IGSF11: variants seen among roughly 807,000 people sequenced by gnomAD.
IGSF11 encodes the protein CXADR like 1.
Under a neutral mutation model 41.0 loss-of-function variants are expected in IGSF11, and 22 were observed. The observed-to-expected ratio is 0.54, with a 90% CI of 0.38 to 0.77. The LOEUF (loss-of-function observed/expected upper bound fraction) is 0.77. IGSF11 is among the 30% of genes least tolerant of loss of function. IGSF11 has a pLI of 0.00. For missense variants in IGSF11, 444 were observed against 530.8 expected (o/e 0.84, Z 1.61); for synonymous variants, 219 against 201.3 (o/e 1.09, Z -0.74).
intron 1 of IGSF11, among the ~76,000 whole-genome samples, chr3:119,032,642 T>C (rs1198590363): frequency 6.6e-6 from 1 of 152,204 alleles, no homozygotes; most frequent in African/African-American, 2.4e-5. Context: ...GTTCCTTTGG[T>C]TAAGAAAGCC....
rs545010186 is a variant in IGSF11 at position 119,050,538 on chromosome 3, A to C, written c.49+54606T>G. 3.2e-3 allele frequency among the ~76,000 whole-genome samples: 485 copies of C among 151,822 alleles called. 2 individuals are homozygous for C. The highest frequency in any genetic ancestry group is 0.011 in the African/African-American group (469 of 41,416). On this transcript the variant is annotated intron_variant, in intron 1 of 6. Coordinates refer to the IGSF11 transcript ENST00000354673. Reference sequence around the variant, plus strand: ...TGTGGAGAAATAGGAACACTTTTACACTGTTAGTGGGACTGTAAAGTAGTT... The same window carrying C: ...TGTGGAGAAATAGGAACACTTTTACCCTGTTAGTGGGACTGTAAAGTAGTT...
In IGSF11 at chr3:119,034,725, G is replaced by A. The variant is rs1940780847; in HGVS notation, c.-143C>T. ...GCCGCTGTTCCCCGCGCAGAGCTGGGACTGTCAGACCCACAGACGAGCCAA... is the reference window on the plus strand; with the variant it reads ...GCCGCTGTTCCCCGCGCAGAGCTGGAACTGTCAGACCCACAGACGAGCCAA... On this transcript the variant is annotated 5_prime_UTR_variant, in exon 1 of 7. Coordinates refer to ENST00000393775, the MANE Select transcript of IGSF11 (RefSeq NM_001015887.3). 7.3e-7 allele frequency: 1 copy of A among 1,363,672 alleles called. No individual in the cohort carries two copies. The highest frequency in any genetic ancestry group is 1.5e-5 in the African/African-American group (1 of 65,838). The allele number at this position is 1,363,672 out of a possible 1,614,324, so 84.5% of individuals were successfully genotyped here.
intron 1 of IGSF11, among the ~76,000 whole-genome samples, chr3:118,970,757 A>AG (rs1933304829): frequency 6.6e-6 from 1 of 152,110 alleles, no homozygotes; most frequent in African/African-American, 2.4e-5. Flanking sequence ...TTACAAAAAA[A>AG]AAAAAAAAAC....
intron 1 of IGSF11, among the ~76,000 whole-genome samples, chr3:118,977,823 G>A (rs1934287203): frequency 1.3e-5 from 2 of 152,076 alleles, no homozygotes; most frequent in African/African-American, 4.8e-5. Flanking sequence ...CCACAAACCC[G>A]AGTCCTAAGC....
intron 1 of IGSF11, among the ~76,000 whole-genome samples, chr3:118,953,716 C>G (rs1944754116): frequency 6.6e-6 from 1 of 151,958 alleles, no homozygotes; most frequent in African/African-American, 2.4e-5. Flanking sequence ...GGCAAATTGT[C>G]CCATGGCCTT....
chr3:118,916,974 C>A (rs1941189912), intron 4 of IGSF11, among the ~76,000 whole-genome samples: 1 of 152,148 alleles, frequency 6.6e-6, no homozygotes, highest in Admixed American at 6.5e-5. Context: ...TGCTCAGCTA[C>A]ATGGAAACTG....
In IGSF11 at chr3:119,140,119, TAATAA is replaced by T. The variant is rs557542518; in HGVS notation, c.-14+5689_-14+5693del. Among the ~76,000 whole-genome samples the T allele has an allele frequency of 1.8e-3, 277 of 151,914 alleles. 1 individual carries two copies. The highest frequency in any genetic ancestry group is 3.3e-3 in the Admixed American group (51 of 15,262). ...CAAAAAATATATGACATATATAAAA[TAATAA>T]AATAAAACATGTATATCCTACTTAT... is the stretch of plus-strand genomic sequence containing the variant. On this transcript the variant is annotated intron_variant, in intron 1 of 7. Transcript: ENST00000425327.
At chr3:118,989,528 T>C (rs1332392198) in intron 1 of IGSF11, among the ~76,000 whole-genome samples, 1 of 152,050 alleles carries the variant, frequency 6.6e-6, no homozygotes, top group African/African-American at 2.4e-5. Context: ...AATTTTTGTA[T>C]TTTTAGTAGA....
chr3:118,926,381 GAC>G (rs1942306492), intron 3 of IGSF11, 125 bp from the exon 4 acceptor site: 3 of 744,146 alleles, frequency 4.0e-6, no homozygotes, highest in Non-Finnish European at 6.0e-6. Flanking sequence ...TATACCAGGA[GAC>G]AGACTCACCG....
intron 1 of IGSF11, among the ~76,000 whole-genome samples, chr3:118,935,958 T>C (rs1195490327): frequency 6.6e-6 from 1 of 152,156 alleles, no homozygotes; most frequent in Non-Finnish European, 1.5e-5. Context: ...GAAGACGAAA[T>C]TAAGTTACTC....
upstream of IGSF11, among the ~76,000 whole-genome samples, chr3:119,036,717 CT>C (rs552860192): frequency 1.8e-4 from 28 of 151,966 alleles, no homozygotes; most frequent in South Asian, 3.5e-3. Context: ...AAAATGACCC[CT>C]GACCCCAAAT....
At chr3:119,086,750 T>C (rs549004022) in intron 1 of IGSF11, among the ~76,000 whole-genome samples, 1 of 152,242 alleles carries the variant, frequency 6.6e-6, no homozygotes, top group African/African-American at 2.4e-5. Context: ...TTACAAGAAG[T>C]CCTTAAGGGA....
rs968176492 is a variant in IGSF11, at chr3:118,950,556, A to G, written c.53-20281T>C. On this transcript the variant is annotated intron_variant, in intron 1 of 6. Coordinates refer to ENST00000393775, the MANE Select transcript of IGSF11 (RefSeq NM_001015887.3). ...CCTAGTGGGTGAAAAAAATACACAC[A>G]CGCAAACATATATATACCCCAACTC... is the stretch of plus-strand genomic sequence containing the variant. 3.3e-5 allele frequency among the ~76,000 whole-genome samples: 5 copies of G among 152,112 alleles called. 1 individual carries two copies. Among genetic ancestry groups the G allele is most frequent in the East Asian group, 1.9e-4 (1 of 5,174 alleles).
intron 4 of IGSF11, among the ~76,000 whole-genome samples, chr3:118,921,986 T>A (rs1001043438): frequency 2.0e-5 from 3 of 151,840 alleles, no homozygotes; most frequent in Admixed American, 2.0e-4. Context: ...AATTATTTGG[T>A]ATTATATGAT....
chr3:119,050,473 G>A (rs369679513), intron 1 of IGSF11, among the ~76,000 whole-genome samples: 2,026 of 151,960 alleles, frequency 0.013, 31 homozygotes, highest in East Asian at 0.079. Context: ...TTAGAATGGC[G>A]ATCATTAAAA....
At position 119,113,584 on chromosome 3, in the gene IGSF11, G is replaced by T. The variant is rs188571730; in HGVS notation, c.-13-8379C>A. Among the ~76,000 whole-genome samples the T allele has an allele frequency of 1.5e-3, 235 of 152,334 alleles. 2 individuals are homozygous for T. Among genetic ancestry groups the T allele is most frequent in the Admixed American group, 3.9e-3 (60 of 15,294 alleles). ...GGCCTCGGGCAGCTCCACCCCTGTGGCTCTGCAAGGTACAGCCCCCATGAC... is the reference window on the plus strand; with the variant it reads ...GGCCTCGGGCAGCTCCACCCCTGTGTCTCTGCAAGGTACAGCCCCCATGAC... On this transcript the variant is annotated intron_variant, in intron 1 of 7. Coordinates refer to the IGSF11 transcript ENST00000425327.
chr3:119,036,646 A>G (rs60177242), upstream of IGSF11, among the ~76,000 whole-genome samples: 8,694 of 152,084 alleles, frequency 0.057, 802 homozygotes, highest in African/African-American at 0.2. Context: ...CAATTTAACA[A>G]CTATTTACCA....
At chr3:119,125,228 A>C (rs2077387056) in intron 1 of IGSF11, among the ~76,000 whole-genome samples, 1 of 152,246 alleles carries the variant, frequency 6.6e-6, no homozygotes, top group Non-Finnish European at 1.5e-5. Flanking sequence ...AAGGGCCGGC[A>C]GTGCCAAGAT....
At chr3:118,995,112 G>A (rs1936138779) in intron 1 of IGSF11, among the ~76,000 whole-genome samples, 1 of 152,158 alleles carries the variant, frequency 6.6e-6, no homozygotes, top group South Asian at 2.1e-4. Flanking sequence ...AGGCAACAGT[G>A]AGGCTTTGAA....
Sources: gnomAD v4.1 joint callset for allele counts (sites outside exome capture counted in the v4.1 genomes callset) on GRCh38, gnomAD v4.1.1 for gene constraint, MANE v1.5 for transcripts, NCBI Gene and HGNC (gene_info 2026-07-23, HGNC 2026-07-21) for gene names.